SPATA17: variants seen among roughly 807,000 people sequenced by gnomAD.
The protein encoded by SPATA17 is spermatogenesis-associated protein 17.
SPATA17 carries 53 observed loss-of-function variants against 62.2 expected under a neutral mutation model. The observed-to-expected ratio is 0.85, with a 90% CI of 0.68 to 1.07. The LOEUF (loss-of-function observed/expected upper bound fraction) is 1.07, where lower values mean the gene tolerates loss of function less well. Among genes scored for constraint, SPATA17 ranks in the 50% least tolerant of loss-of-function variants. SPATA17 has a pLI of 0.00. For synonymous variants in SPATA17, 146 were observed against 146.8 expected (o/e 0.99, Z 0.04); for missense variants, 466 against 425.5 (o/e 1.10, Z -0.84).
At chr1:217,690,183 G>A (rs1177446642) in intron 5 of SPATA17, among the ~76,000 whole-genome samples, 1 of 152,054 alleles carries the variant, frequency 6.6e-6, no homozygotes, top group African/African-American at 2.4e-5. Context: ...GACTATAGGC[G>A]TGAGCCACCG....
intron 6 of SPATA17, among the ~76,000 whole-genome samples, chr1:217,760,117 G>A (rs541364341): frequency 6.6e-6 from 1 of 152,254 alleles, no homozygotes. Context: ...ATCAAAATTT[G>A]TATTGACCAA....
intron 9 of SPATA17, among the ~76,000 whole-genome samples, chr1:217,832,945 A>G (rs1389630467): frequency 6.6e-6 from 1 of 152,040 alleles, no homozygotes; most frequent in African/African-American, 2.4e-5. Flanking sequence ...CCCCGTCTCA[A>G]AGAAAAAAAA....
chr1:217,709,625 A>C (rs1671812554), intron 5 of SPATA17, among the ~76,000 whole-genome samples: 1 of 152,188 alleles, frequency 6.6e-6, no homozygotes. Flanking sequence ...CATTTAAAGC[A>C]AGAAATTGGC....
intron 5 of SPATA17, among the ~76,000 whole-genome samples, chr1:217,727,189 G>A (rs866383806): frequency 6.6e-6 from 1 of 151,548 alleles, no homozygotes. Context: ...GGAGGTTGCC[G>A]TCAGCGGAGA....
intron 9 of SPATA17, among the ~76,000 whole-genome samples, chr1:217,834,860 C>T (rs1675226410): frequency 6.6e-6 from 1 of 152,154 alleles, no homozygotes; most frequent in Non-Finnish European, 1.5e-5. Context: ...ACTTCCAGTC[C>T]TGTAAGCTCC....
chr1:217,859,935 T>A (rs1311251432), intron 9 of SPATA17, among the ~76,000 whole-genome samples: 2 of 152,126 alleles, frequency 1.3e-5, no homozygotes, highest in Non-Finnish European at 2.9e-5. Flanking sequence ...TCTTTGCTTC[T>A]GCTTACTTTG....
intron 5 of SPATA17, among the ~76,000 whole-genome samples, chr1:217,725,985 A>C (rs887490617): frequency 1.3e-5 from 2 of 152,170 alleles, no homozygotes; most frequent in African/African-American, 4.8e-5. Context: ...TGTTAATGAT[A>C]TATTTTCTTT....
chr1:217,834,551 A>C (rs1308932398), intron 9 of SPATA17, among the ~76,000 whole-genome samples: 2 of 152,148 alleles, frequency 1.3e-5, no homozygotes, highest in African/African-American at 4.8e-5. Flanking sequence ...AAAAATTTTA[A>C]AAAGTTAAAA....
intron 9 of SPATA17, among the ~76,000 whole-genome samples, chr1:217,815,569 G>A (rs967476607): frequency 2.6e-5 from 4 of 152,132 alleles, no homozygotes; most frequent in Admixed American, 6.6e-5. Context: ...AGTTTGACTA[G>A]GCTATAATAC....
At chr1:217,817,881 G>A (rs1250929257) in intron 9 of SPATA17, among the ~76,000 whole-genome samples, 3 of 151,930 alleles carry the variant, frequency 2.0e-5, no homozygotes, top group Admixed American at 6.6e-5. Context: ...GAAGCATTTT[G>A]TATTACTGAA....
At chr1:217,709,965 C>T (rs1671819938) in intron 5 of SPATA17, among the ~76,000 whole-genome samples, 1 of 152,130 alleles carries the variant, frequency 6.6e-6, no homozygotes, top group Non-Finnish European at 1.5e-5. Context: ...CTAGTCCAAT[C>T]CTCTATCTTT....
At chr1:217,812,372 C>T (rs1181281985) in intron 9 of SPATA17, among the ~76,000 whole-genome samples, 1 of 151,846 alleles carries the variant, frequency 6.6e-6, no homozygotes, top group Admixed American at 6.6e-5. Context: ...AAATCAAAGT[C>T]AGCAAATTTA....
In SPATA17 at chr1:217,869,735, A is replaced by G. The variant is rs1169524954; in HGVS notation, c.*2716A>G. ...CAAAGGGAGGAGGGTATAATGAAGC[A>G]TGTCCAATTCCCCATGCCCCACCCC... On this transcript the variant is annotated 3_prime_UTR_variant, in exon 11 of 11. Coordinates refer to ENST00000366933, the MANE Select transcript of SPATA17 (RefSeq NM_138796.4). The G allele has an allele frequency of 6.6e-6, 1 of 151,978 alleles. No individual in the cohort carries two copies. The highest frequency in any genetic ancestry group is 1.5e-5 in the Non-Finnish European group (1 of 68,012). The allele number at this position is 151,978 out of a possible 1,614,324, so 9.4% of individuals were successfully genotyped here. A position where few individuals can be genotyped will look rare whatever the true frequency, so the allele number is the denominator to read the frequency against.
At chr1:217,678,120 G>A (rs1670995089) in intron 4 of SPATA17, among the ~76,000 whole-genome samples, 1 of 151,010 alleles carries the variant, frequency 6.6e-6, no homozygotes, top group African/African-American at 2.4e-5. Context: ...CTACTTCTGT[G>A]CTCTCATATA....
intron 5 of SPATA17, among the ~76,000 whole-genome samples, chr1:217,707,478 G>A (rs1176890251): frequency 6.6e-6 from 1 of 152,174 alleles, no homozygotes; most frequent in Non-Finnish European, 1.5e-5. Context: ...TAGGAGTGGT[G>A]AGAGAGGGCA....
intron 9 of SPATA17, among the ~76,000 whole-genome samples, chr1:217,813,767 A>C (rs1674650753): frequency 6.6e-6 from 1 of 151,956 alleles, no homozygotes; most frequent in African/African-American, 2.4e-5. Context: ...AAAAGTATAA[A>C]TTTACATGAA....
At chr1:217,813,415 T>C (rs1382176163) in intron 9 of SPATA17, among the ~76,000 whole-genome samples, 1 of 152,218 alleles carries the variant, frequency 6.6e-6, no homozygotes, top group Non-Finnish European at 1.5e-5. Flanking sequence ...CTTTTATGCA[T>C]TGATTGGGAT....
At chr1:217,811,046 T>G (rs1674575000) in intron 9 of SPATA17, among the ~76,000 whole-genome samples, 1 of 152,132 alleles carries the variant, frequency 6.6e-6, no homozygotes, top group Non-Finnish European at 1.5e-5. Context: ...TATTTATTTA[T>G]TTTTTGAGAC....
intron 5 of SPATA17, among the ~76,000 whole-genome samples, chr1:217,702,903 A>C (rs1239389860): frequency 1.3e-5 from 2 of 149,146 alleles, no homozygotes; most frequent in Non-Finnish European, 3.0e-5. Context: ...TTTTTTTGAG[A>C]TGGAGTCTCA....
Sources: gnomAD v4.1 joint callset for allele counts (sites outside exome capture counted in the v4.1 genomes callset) on GRCh38, gnomAD v4.1.1 for gene constraint, MANE v1.5 for transcripts, NCBI Gene and HGNC (gene_info 2026-07-23, HGNC 2026-07-21) for gene names.